The following DYNLT2B variants were observed in gnomAD, a reference collection of about 807,000 sequenced individuals.
DYNLT2B encodes the protein dynein light chain Tctex-type 2B, also known as dynein light chain Tctex-type protein 2B.
DYNLT2B carries 14 observed loss-of-function variants against 19.5 expected under a neutral mutation model. The ratio of observed to expected loss-of-function variants is 0.72; its 90% CI spans 0.47 to 1.12. The LOEUF (loss-of-function observed/expected upper bound fraction) is 1.12. Ranked by LOEUF, DYNLT2B falls within the 50% of genes most tolerant of loss-of-function variation. The pLI, the probability that DYNLT2B is intolerant of heterozygous loss-of-function variation, is 0.00. For synonymous variants in DYNLT2B, 70 were observed against 59.7 expected, an observed-to-expected ratio of 1.17 and a Z score of -0.79; for missense variants, 133 against 174.7, an observed-to-expected ratio of 0.76 and a Z score of 1.35.
chr3:196,314,281 A>G (rs1432812201), intron 2 of DYNLT2B, among the ~76,000 whole-genome samples: 1 of 151,778 alleles, frequency 6.6e-6, no homozygotes, highest in Non-Finnish European at 1.5e-5. Flanking sequence ...CAAGGCTTGC[A>G]GATCTCTTGA....
intron 2 of DYNLT2B, among the ~76,000 whole-genome samples, chr3:196,308,082 GAAAAAAAAAA>G (rs201886079): frequency 9.2e-6 from 1 of 109,010 alleles, no homozygotes; most frequent in South Asian, 2.8e-4. Flanking sequence ...ACTCCATCTC[GAAAAAAAAAA>G]AAAAAAAGAA....
rs1380284156 is a variant in DYNLT2B, at chr3:196,316,203, TAC to T, written c.140_141del (p.Cys47TyrfsTer13). 2.1e-5 allele frequency: 34 copies of T among 1,613,136 alleles called. No homozygotes were observed. The highest frequency in any genetic ancestry group is 2.8e-5 in the Non-Finnish European group (33 of 1,179,588). ...AGTTCCTCCTTGAGCACAGCATGGA[TAC>T]AGTCTTTAACCACAGAGGGCCTGAA... ...QRFRPSVVKD[C>X]IHAVLKEELA... On this transcript the variant is annotated frameshift_variant, in exon 2 of 5. Coordinates refer to ENST00000325318, the MANE Select transcript of DYNLT2B (RefSeq NM_152773.5). LOFTEE classifies it high-confidence loss of function.
Position 196,291,260 on chromosome 3 carries a change from T to G in DYNLT2B, c.*67A>C. On this transcript the variant is annotated 3_prime_UTR_variant, in exon 5 of 5. Transcript: ENST00000325318. ...CTAACATCTTTATTTTGTCAAGATATTTAACAATATTAAAAAGTTCAGATT... is the reference window on the plus strand; with the variant it reads ...CTAACATCTTTATTTTGTCAAGATAGTTAACAATATTAAAAAGTTCAGATT... The G allele has an allele frequency of 7.1e-7, 1 of 1,415,740 alleles. No individual in the cohort carries two copies. The highest frequency in any genetic ancestry group is 9.7e-7 in the Non-Finnish European group (1 of 1,026,626). The allele number at this position is 1,415,740 out of a possible 1,614,324, so 87.7% of individuals were successfully genotyped here. A position where few individuals can be genotyped will look rare whatever the true frequency, so the allele number is the denominator to read the frequency against.
chr3:196,312,837 T>A (rs917255950), intron 2 of DYNLT2B, among the ~76,000 whole-genome samples: 1 of 152,002 alleles, frequency 6.6e-6, no homozygotes. Context: ...CATTTCTGAG[T>A]CCTTTCTGAA....
intron 2 of DYNLT2B, among the ~76,000 whole-genome samples, chr3:196,315,038 G>C (rs1726743145): frequency 6.6e-6 from 1 of 151,898 alleles, no homozygotes; most frequent in South Asian, 2.1e-4. Context: ...GAAATACAGG[G>C]GAAAGGAGTC....
chr3:196,307,213 TTTTCAG>T (rs2108794784), intron 2 of DYNLT2B, among the ~76,000 whole-genome samples: 1 of 152,282 alleles, frequency 6.6e-6, no homozygotes, highest in African/African-American at 2.4e-5. Context: ...GTAATTTAAC[TTTTCAG>T]TTTAAGTCTC....
chr3:196,292,255 A>G (rs1360370973), intron 4 of DYNLT2B: 3 of 152,232 alleles, frequency 2.0e-5, no homozygotes, highest in Non-Finnish European at 2.9e-5. Context: ...TTATTACAAG[A>G]TTTCCACCTG....
intron 3 of DYNLT2B, chr3:196,305,761 A>C (rs887212481): frequency 6.5e-6 from 1 of 152,996 alleles, no homozygotes; most frequent in African/African-American, 2.4e-5. Context: ...AGATCATGCC[A>C]CTGCACTCCA....
At chr3:196,294,956 GCT>G (rs1193463728) in intron 4 of DYNLT2B, among the ~76,000 whole-genome samples, 2 of 152,040 alleles carry the variant, frequency 1.3e-5, no homozygotes, top group African/African-American at 4.8e-5. Flanking sequence ...TGGCCAGGCT[GCT>G]CTCAAACTCT....
In DYNLT2B at chr3:196,299,078, AT is replaced by A. The variant is rs1317342225; in HGVS notation, c.318-3010del. Among the ~76,000 whole-genome samples, 413 of 117,226 alleles carry A rather than the reference AT, an allele frequency of 3.5e-3. 9 individuals are homozygous for A. The highest frequency in any genetic ancestry group is 4.6e-3 in the African/African-American group (143 of 30,898). 76.9% of individuals were successfully genotyped at this position (117,226 alleles called of 152,430 possible). ...AGGCATGCACCACCATGCCTGGCTA[AT>A]TTTTTTTTTTCTTTTTTTTTTTTGA... On this transcript the variant is annotated intron_variant, in intron 3 of 4. Transcript: ENST00000325318.
chr3:196,302,367 G>A (rs1184482933), intron 3 of DYNLT2B, among the ~76,000 whole-genome samples: 1 of 152,172 alleles, frequency 6.6e-6, no homozygotes, highest in African/African-American at 2.4e-5. Context: ...TAGGGCTGGG[G>A]TAGGGAATGA....
intron 4 of DYNLT2B, 141 bp from the exon 5 acceptor site, chr3:196,291,515 A>G (rs1726095159): frequency 1.8e-5 from 14 of 771,954 alleles, no homozygotes; most frequent in Middle Eastern, 2.8e-4. Flanking sequence ...GTGTCACTCT[A>G]TCACCCAGGC....
At chr3:196,304,616 G>A (rs1726441012) in intron 3 of DYNLT2B, among the ~76,000 whole-genome samples, 1 of 151,790 alleles carries the variant, frequency 6.6e-6, no homozygotes, top group Admixed American at 6.6e-5. Context: ...TCTTGAACCT[G>A]GGAGGCAGAG....
In DYNLT2B at chr3:196,291,255, A is replaced by C. The variant is rs1470517303; in HGVS notation, c.*72T>G. 7.3e-7 allele frequency: 1 copy of C among 1,376,076 alleles called. No homozygotes were observed. The highest frequency in any genetic ancestry group is 2.4e-5 in the East Asian group (1 of 42,234). The allele number at this position is 1,376,076 out of a possible 1,614,324, so 85.2% of individuals were successfully genotyped here. A position where few individuals can be genotyped will look rare whatever the true frequency, so the allele number is the denominator to read the frequency against. ...AACTACTAACATCTTTATTTTGTCA[A>C]GATATTTAACAATATTAAAAAGTTC... On this transcript the variant is annotated 3_prime_UTR_variant, in exon 5 of 5. Transcript: ENST00000325318.
chr3:196,306,799 C>T (rs1006197497), intron 3 of DYNLT2B, 144 bp downstream of exon 3: 2 of 660,998 alleles, frequency 3.0e-6, no homozygotes, highest in East Asian at 6.0e-5. Context: ...CCTCAGCCTC[C>T]CAAAGTGCTG....
intron 1 of DYNLT2B, among the ~76,000 whole-genome samples, 189 bp from the exon 2 acceptor site, chr3:196,316,420 C>A (rs1418824356): frequency 6.6e-6 from 1 of 152,088 alleles, no homozygotes; most frequent in South Asian, 2.1e-4. Context: ...TGGACCTGCA[C>A]TGAACTTCAA....
intron 2 of DYNLT2B, 106 bp downstream of exon 2, chr3:196,315,992 A>G (rs866159922): frequency 1.4e-5 from 18 of 1,295,862 alleles, no homozygotes; most frequent in Non-Finnish European, 1.7e-5. Context: ...GGCGTGAGCC[A>G]CCACACCTGG....
chr3:196,314,109 C>T lies in DYNLT2B; in HGVS notation c.247+1989G>A, dbSNP rs1004780545. On this transcript the variant is annotated intron_variant, in intron 2 of 4. Transcript: ENST00000325318. ...GCAAAACTCCATCTCAAAAAAAAAC[C>T]TTATGGATACTTTTTTGTATTGTCT... Among the ~76,000 whole-genome samples, 6 of 151,242 alleles carry T rather than the reference C, an allele frequency of 4.0e-5. No homozygotes were observed. The East Asian group carries it at 1.2e-3, about 29-fold the overall frequency.
At chr3:196,296,666 A>G (rs1462480920) in intron 3 of DYNLT2B, among the ~76,000 whole-genome samples, 1 of 152,246 alleles carries the variant, frequency 6.6e-6, no homozygotes. Context: ...AAATGAAATT[A>G]TGGTATTTCT....
Sources: gnomAD v4.1 joint callset for allele counts (sites outside exome capture counted in the v4.1 genomes callset) on GRCh38, gnomAD v4.1.1 for gene constraint, MANE v1.5 for transcripts, NCBI Gene and HGNC (gene_info 2026-07-23, HGNC 2026-07-21) for gene names.